Variants in KHDC1 observed in about 807,000 individuals in gnomAD.
The protein encoded by KHDC1 is KH homology domain-containing protein 1.
A neutral mutation model predicts 24.7 loss-of-function variants in KHDC1; 21 were observed. The ratio of observed to expected loss-of-function variants is 0.85; its 90% CI spans 0.60 to 1.23. The LOEUF (loss-of-function observed/expected upper bound fraction) is 1.23, where lower values mean the gene tolerates loss of function less well. Ranked by LOEUF, KHDC1 falls within the 50% of genes most tolerant of loss-of-function variation. The probability of loss-of-function intolerance (pLI) is 0.00; values close to 1 mark genes in which losing one functional copy is unlikely to be tolerated. For missense variants in KHDC1, 274 were observed against 298.5 expected, an observed-to-expected ratio of 0.92 and a Z score of 0.61; for synonymous variants, 98 against 111.7, an observed-to-expected ratio of 0.88 and a Z score of 0.77.
intron 2 of KHDC1, among the ~76,000 whole-genome samples, chr6:73,277,785 T>G (rs1767324774): frequency 6.6e-6 from 1 of 150,766 alleles, no homozygotes; most frequent in Non-Finnish European, 1.5e-5. Flanking sequence ...GAGGATCACT[T>G]GGGCCTGGAT....
At chr6:73,284,329 A>G (rs1767477381) in intron 2 of KHDC1, among the ~76,000 whole-genome samples, 1 of 152,156 alleles carries the variant, frequency 6.6e-6, no homozygotes, top group Admixed American at 6.5e-5. Flanking sequence ...GATCTTTTGA[A>G]TTGTTTTTCA....
intron 2 of KHDC1, among the ~76,000 whole-genome samples, chr6:73,279,761 G>A (rs1018498666): frequency 5.3e-5 from 8 of 151,764 alleles, no homozygotes; most frequent in Non-Finnish European, 8.8e-5. Flanking sequence ...TATATTTTTC[G>A]TAGAGACAGA....
At chr6:73,279,446 G>C (rs148122603) in intron 2 of KHDC1, among the ~76,000 whole-genome samples, 280 of 152,140 alleles carry the variant, frequency 1.8e-3, no homozygotes, top group African/African-American at 6.4e-3. Flanking sequence ...ATGGACATTT[G>C]ACTGTATATA....
At chr6:73,294,609 A>G (rs1463984510) in intron 1 of KHDC1, among the ~76,000 whole-genome samples, 2 of 152,204 alleles carry the variant, frequency 1.3e-5, no homozygotes. Context: ...CTTAAAATAG[A>G]ATTTAGGAAC....
At chr6:73,305,195 G>A (rs60093179) in intron 1 of KHDC1, among the ~76,000 whole-genome samples, 14,537 of 151,872 alleles carry the variant, frequency 0.096, 781 homozygotes, top group East Asian at 0.19. Context: ...CCAAGATTGC[G>A]CTACTGCACT....
chr6:73,287,214 G>A (rs1198582792), intron 2 of KHDC1, among the ~76,000 whole-genome samples: 1 of 152,172 alleles, frequency 6.6e-6, no homozygotes, highest in Non-Finnish European at 1.5e-5. Context: ...TTCTCTGAGA[G>A]CCGGGACTTA....
In KHDC1 at chr6:73,309,659, G is replaced by C. The variant is rs2150760691; in HGVS notation, c.56C>G (p.Ser19Ter). The C allele has an allele frequency of 1.3e-6, 2 of 1,550,188 alleles. No individual in the cohort carries two copies. Among genetic ancestry groups the C allele is most frequent in the Admixed American group, 2.0e-5 (1 of 50,858 alleles). ...AATGAAGATCAGGACTCCGTATTCT[G>C]AGACTGTTTCAATCACAAATAAGAC... The change falls in exon 1 of 5, where the codon TCA becomes TGA. Residue 19 changes from serine to a stop codon, truncating the protein, a stop_gained. Transcript: ENST00000370384. LOFTEE classifies it high-confidence loss of function.
chr6:73,246,903 A>G (rs575932877), intron 2 of KHDC1, among the ~76,000 whole-genome samples: 1 of 152,316 alleles, frequency 6.6e-6, no homozygotes, highest in Admixed American at 6.5e-5. Flanking sequence ...AAACCAAAAT[A>G]AACGGCATCC....
intron 2 of KHDC1, among the ~76,000 whole-genome samples, chr6:73,272,960 G>A (rs1167846884): frequency 2.7e-5 from 4 of 147,898 alleles, no homozygotes; most frequent in African/African-American, 1.0e-4. Context: ...CCAGGTTCAA[G>A]TGATTCTCCT....
At chr6:73,273,111 G>A (rs537097506) in intron 2 of KHDC1, among the ~76,000 whole-genome samples, 79 of 151,238 alleles carry the variant, frequency 5.2e-4, no homozygotes, top group East Asian at 4.6e-3. Flanking sequence ...CGCCCACCTC[G>A]GCCTCCCAAA....
intron 2 of KHDC1, among the ~76,000 whole-genome samples, chr6:73,257,340 T>C (rs1042456737): frequency 5.9e-5 from 9 of 152,092 alleles, no homozygotes; most frequent in Admixed American, 5.9e-4. Flanking sequence ...AGGAATTTGG[T>C]TTGGGGATTC....
intron 2 of KHDC1, among the ~76,000 whole-genome samples, chr6:73,280,412 C>A (rs1261318490): frequency 1.3e-5 from 2 of 152,120 alleles, no homozygotes; most frequent in Non-Finnish European, 2.9e-5. Context: ...ATCAGCCCAC[C>A]TCAGCCTCCC....
chr6:73,263,740 G>A lies in KHDC1; in HGVS notation c.207-21210C>T, dbSNP rs186905776. Among the ~76,000 whole-genome samples the A allele has an allele frequency of 1.3e-3, 201 of 152,312 alleles. 1 individual carries two copies. Among genetic ancestry groups the A allele is most frequent in the African/African-American group, 4.6e-3 (190 of 41,580 alleles). On this transcript the variant is annotated intron_variant, in intron 2 of 4. Transcript: ENST00000370384. ...TCCCATCTGCCACTTGGGCTGGAGG[G>A]AAATGAATGTTTTTGGGTTTCTTGT...
chr6:73,309,672 T>C, exon 1 of KHDC1: 1 of 1,550,044 alleles, frequency 6.5e-7, no homozygotes, highest in South Asian at 1.2e-5. Flanking sequence ...ACTGTTTCAA[T>C]CACAAATAAG....
At chr6:73,296,420 T>C (rs1180068645) in intron 1 of KHDC1, among the ~76,000 whole-genome samples, 3 of 152,112 alleles carry the variant, frequency 2.0e-5, no homozygotes, top group Non-Finnish European at 4.4e-5. Context: ...GCCACTGCAC[T>C]GTAGCCTGGG....
chr6:73,274,246 A>C (rs967385748), intron 2 of KHDC1: 2 of 152,248 alleles, frequency 1.3e-5, no homozygotes, highest in Admixed American at 6.5e-5. Flanking sequence ...ATCATTCTAC[A>C]TTTTTGCAAA....
intron 1 of KHDC1, chr6:73,292,977 A>C (rs879094498): frequency 1.1e-6 from 1 of 933,186 alleles, no homozygotes; most frequent in Admixed American, 1.8e-5. Flanking sequence ...ACTTTCTGTC[A>C]CATCCACCAG....
intron 1 of KHDC1, chr6:73,293,412 G>A (rs900202745): frequency 5.6e-6 from 2 of 358,318 alleles, no homozygotes; most frequent in African/African-American, 4.3e-5. Flanking sequence ...AAAATTGACT[G>A]ATTCAAAAAA....
intron 1 of KHDC1, chr6:73,293,389 G>T: frequency 2.6e-6 from 1 of 389,964 alleles, no homozygotes; most frequent in South Asian, 2.7e-5. Context: ...TGTAAATTGT[G>T]AAGAATTGGA....
Sources: allele counts gnomAD v4.1 joint callset (sites outside exome capture counted in the v4.1 genomes callset), GRCh38; gene constraint gnomAD v4.1.1; transcripts MANE v1.5; gene names NCBI Gene and HGNC (gene_info 2026-07-23, HGNC 2026-07-21).